CELSR2: variants seen among roughly 807,000 people sequenced by gnomAD.
CELSR2 encodes the protein EGF-like protein 2.
In CELSR2, 81 loss-of-function variants were observed where a neutral mutation model predicts 251.6. The observed-to-expected ratio is 0.32, with a 90% confidence interval of 0.27 to 0.39. The LOEUF (loss-of-function observed/expected upper bound fraction) is 0.39, where lower values mean the gene tolerates loss of function less well. Ranked by LOEUF, CELSR2 falls within the 10% of genes least tolerant of loss-of-function variation. CELSR2 has a pLI of 1.00. For synonymous variants in CELSR2, 1,721 were observed against 1,670.5 expected (o/e 1.03, Z -0.74); for missense variants, 3,365 against 3,947.7 (o/e 0.85, Z 3.96).
chr1:109,267,975 A>G lies in CELSR2; in HGVS notation c.6233A>G (p.Tyr2078Cys). 6.2e-7 allele frequency: 1 copy of G among 1,611,366 alleles called. No individual in the cohort carries two copies. Among genetic ancestry groups the G allele is most frequent in the Non-Finnish European group, 8.5e-7 (1 of 1,179,788 alleles). ...GYFGSDVKVA[Y>C]QLATRLLAHE... ...TTCGGCAGCGACGTCAAGGTGGCCT[A>G]CCAGCTGGCCACGCGGCTGCTGGCC... The change falls in exon 17 of 34, where the codon TAC (tyrosine) becomes TGC (cysteine). Residue 2078 changes from tyrosine to cysteine, a missense_variant. Tyr to Cys is a radical substitution (Grantham distance 194). Around this residue, in one of 5 missense-constraint regions of CELSR2, gnomAD observed 2,093 missense variants for 2,382.8 expected, o/e 0.88. Transcript: ENST00000271332.
In CELSR2 at chr1:109,265,797, C is replaced by G; in HGVS notation, c.5790C>G (p.Gly1930=). The stretch of plus-strand genomic sequence containing the variant: ...TCTTGTGTGACTGCTACCCCACAGG[C>G]TCCTTGTCCAGAGTCTGTGACCCTG... ...TCLLCDCYPT[G]SLSRVCDPED... Residue 1930 remains glycine, a synonymous_variant, in exon 14 of 34, where the codon GGC becomes GGG. Transcript: ENST00000271332. The G allele has an allele frequency of 6.2e-7, 1 of 1,614,110 alleles. No homozygotes were observed. Among genetic ancestry groups the G allele is most frequent in the South Asian group, 1.1e-5 (1 of 91,082 alleles).
intron 28 of CELSR2, 108 bp downstream of exon 28, chr1:109,271,830 C>T: frequency 7.2e-7 from 1 of 1,380,940 alleles, no homozygotes; most frequent in South Asian, 1.3e-5. Flanking sequence ...TCCATCCCTT[C>T]CTGGAAGGTG....
rs534540588 is a variant in CELSR2 at position 109,250,432 on chromosome 1, G to A, written c.353G>A (p.Gly118Asp). Residue 118 changes from glycine to aspartate, a missense_variant, in exon 1 of 34, where the codon GGC becomes GAC. Transcript: ENST00000271332. This position sits in a 1 kb window ranked among gnomAD's most constrained non-coding sequence, Gnocchi z 4.4. ...EGCPWSCRLL[G>D]IGGHLSPQGK... Reference sequence around the variant, plus strand: ...TGCCCCTGGAGCTGTCGCCTCCTGGGCATTGGAGGCCACCTTTCCCCACAG... The same window carrying A: ...TGCCCCTGGAGCTGTCGCCTCCTGGACATTGGAGGCCACCTTTCCCCACAG... 3.1e-6 allele frequency: 5 copies of A among 1,613,656 alleles called. No individual in the cohort carries two copies. In the African/African-American group the frequency reaches 5.3e-5, roughly 17 times the overall value.
At position 109,250,521 on chromosome 1, in the gene CELSR2, T is replaced by G. The variant is rs1273708462; in HGVS notation, c.442T>G (p.Cys148Gly). The change falls in exon 1 of 34, where the codon TGC (cysteine) becomes GGC (glycine). Residue 148 changes from cysteine to glycine, a missense_variant. This residue lies in a region of CELSR2 where 704 missense variants were observed against 784.1 expected (regional missense o/e 0.90). Transcript: ENST00000271332. The surrounding 1 kb of genome is among the most constrained non-coding windows in gnomAD (Gnocchi z 4.4). ...LKAPRLRCQS[C>G]KLAQAPGLRA... The stretch of plus-strand genomic sequence containing the variant: ...GGCTCCACGGCTCAGATGCCAGTCC[T>G]GCAAGCTGGCACAGGCCCCCGGGCT... 1 of 1,613,672 alleles carries G rather than the reference T, an allele frequency of 6.2e-7. No individual in the cohort carries two copies. Among genetic ancestry groups the G allele is most frequent in the East Asian group, 2.2e-5 (1 of 44,868 alleles).
rs541803958 is a variant in CELSR2, at chr1:109,261,815, A to G, written c.4305A>G (p.Ser1435=). ...ACCTGGTCCTTTCCCCAGGGGAGTC[A>G]ACCACCACGGTGTCCCCATTCGTGC... ...QVQLTFSAGE[S]TTTVSPFVPG... Residue 1435 remains serine (S), a synonymous_variant, in exon 5 of 34, where the codon TCA becomes TCG. Transcript: ENST00000271332. This position sits in a 1 kb window ranked among gnomAD's most constrained non-coding sequence, Gnocchi z 4.8. 4.2e-5 allele frequency: 67 copies of G among 1,591,964 alleles called. No individual in the cohort carries two copies. In the South Asian group the frequency reaches 7.2e-4, roughly 17 times the overall value.
chr1:109,264,923 G>T lies in CELSR2; in HGVS notation c.5520G>T (p.Gln1840His), dbSNP rs764676603. Residue 1840 changes from glutamine to histidine, a missense_variant, in exon 12 of 34, where the codon CAG becomes CAT. By Grantham distance (24) the Gln-to-His change is conservative. Transcript: ENST00000271332. ...GTGACCTGAACCCGTGTGAGCACCA[G>T]TCTGTGTGTACCCGCAAGCCCAGTG... is the stretch of plus-strand genomic sequence containing the variant. The part of the protein sequence containing the change: ...NVCDLNPCEH[Q>H]SVCTRKPSAP... The T allele has an allele frequency of 2.0e-5, 33 of 1,614,216 alleles. No individual in the cohort carries two copies. Among genetic ancestry groups the T allele is most frequent in the Non-Finnish European group, 2.8e-5 (33 of 1,180,034 alleles).
At chr1:109,268,558 C>G (rs751239000) in intron 17 of CELSR2, 23 bp from the exon 18 acceptor site, 1 of 1,589,710 alleles carries the variant, frequency 6.3e-7, no homozygotes, top group Non-Finnish European at 8.6e-7. Context: ...TGAGCACACC[C>G]ACCGTGACCT....
intron 33 of CELSR2, 124 bp from the exon 34 acceptor site, chr1:109,273,898 G>T: frequency 1.5e-6 from 2 of 1,341,274 alleles, no homozygotes; most frequent in African/African-American, 1.4e-5. Context: ...GGCAGAGTGC[G>T]GGAGGATGGG....
Position 109,274,244 on chromosome 1 carries a change from C to T in CELSR2, c.*195C>T, listed in dbSNP as rs1015962526. ...CCTAAGGCCATCTAGTGCCAACTCC[C>T]CCCCCACCATTCCCCTCACTGCACT... is the stretch of plus-strand genomic sequence containing the variant. On this transcript the variant is annotated 3_prime_UTR_variant, in exon 34 of 34. Coordinates refer to ENST00000271332, the MANE Select transcript of CELSR2 (RefSeq NM_001408.3). The T allele has an allele frequency of 9.5e-6, 13 of 1,369,072 alleles. No individual in the cohort carries two copies. Among genetic ancestry groups the T allele is most frequent in the African/African-American group, 5.8e-5 (4 of 68,738 alleles). 84.8% of individuals were successfully genotyped at this position (1,369,072 alleles called of 1,614,324 possible). A position where few individuals can be genotyped will look rare whatever the true frequency, so the allele number is the denominator to read the frequency against.
chr1:109,261,688 C>CT lies in CELSR2; in HGVS notation c.4297+61dup. The CT allele has an allele frequency of 6.4e-7, 1 of 1,568,880 alleles. No homozygotes were observed. Among genetic ancestry groups the CT allele is most frequent in the South Asian group, 1.1e-5 (1 of 89,950 alleles). On this transcript the variant is annotated intron_variant, in intron 4 of 33. Transcript: ENST00000271332. This position sits in a 1 kb window ranked among gnomAD's most constrained non-coding sequence, Gnocchi z 4.8. ...CCAAAGGCCCCAAGTCTTCCAGCCC[C>CT]TGACCCCAAGCCACATACTCTATCA...
chr1:109,251,301 G>T lies in CELSR2; in HGVS notation c.1222G>T (p.Val408Leu), dbSNP rs944709395. Residue 408 changes from valine to leucine, a missense_variant, in exon 1 of 34, where the codon GTG becomes TTG. This residue lies in a region of CELSR2 where 704 missense variants were observed against 784.1 expected (regional missense o/e 0.90). Transcript: ENST00000271332. This position sits in a 1 kb window ranked among gnomAD's most constrained non-coding sequence, Gnocchi z 4.9. ...QFSEKRYVVQVREDVTPGAPV... is the reference protein window; with the variant it reads ...QFSEKRYVVQLREDVTPGAPV... ...TAGTGAGAAGCGCTATGTGGTCCAG[G>T]TGAGGGAGGATGTGACTCCAGGGGC... 2 of 1,614,192 alleles carry T rather than the reference G, an allele frequency of 1.2e-6. No individual in the cohort carries two copies. The highest frequency in any genetic ancestry group is 1.7e-5 in the Admixed American group (1 of 60,024).
At position 109,250,946 on chromosome 1, in the gene CELSR2, C is replaced by T. The variant is rs1401218149; in HGVS notation, c.867C>T (p.Phe289=). 4 of 1,613,626 alleles carry T rather than the reference C, an allele frequency of 2.5e-6. No homozygotes were observed. Among genetic ancestry groups the T allele is most frequent in the Middle Eastern group, 1.6e-4 (1 of 6,084 alleles). ...VTDTNDHDPV[F]EQQEYKESLR... Reference sequence around the variant, plus strand: ...ACACCAATGACCATGACCCTGTGTTCGAGCAGCAGGAGTACAAGGAGAGCC... The same window carrying T: ...ACACCAATGACCATGACCCTGTGTTTGAGCAGCAGGAGTACAAGGAGAGCC... Residue 289 remains phenylalanine, a synonymous_variant, in exon 1 of 34, where the codon TTC becomes TTT. Transcript: ENST00000271332. The surrounding 1 kb of genome is among the most constrained non-coding windows in gnomAD (Gnocchi z 4.4).
In CELSR2 at chr1:109,263,311, A is replaced by G. The variant is rs200952183; in HGVS notation, c.4834+44A>G. On this transcript the variant is annotated intron_variant, in intron 8 of 33. Coordinates refer to ENST00000271332, the MANE Select transcript of CELSR2 (RefSeq NM_001408.3). ...AGAGGCCACAGCCTGGGTGCCATCA[A>G]CAGTCTGGGAACTGGCAGGGTTGGG... The G allele has an allele frequency of 3.7e-4, 568 of 1,542,204 alleles. 2 individuals are homozygous for G. In the African/African-American group the frequency reaches 7.1e-3, roughly 19 times the overall value.
In CELSR2 at chr1:109,265,761, C is replaced by T; in HGVS notation, c.5754C>T (p.Ser1918=). Reference sequence around the variant, plus strand: ...AGAACCACTACCGGCCCCCAGGCAGCCCCACCTGCCTCTTGTGTGACTGCT... The same window carrying T: ...AGAACCACTACCGGCCCCCAGGCAGTCCCACCTGCCTCTTGTGTGACTGCT... ...CKENHYRPPG[S]PTCLLCDCYP... Residue 1918 remains serine, a synonymous_variant, in exon 14 of 34, where the codon AGC becomes AGT. Transcript: ENST00000271332. 1 of 1,612,456 alleles carries T rather than the reference C, an allele frequency of 6.2e-7. No individual in the cohort carries two copies. Among genetic ancestry groups the T allele is most frequent in the South Asian group, 1.1e-5 (1 of 91,058 alleles).
chr1:109,265,529 G>T (rs1450403000), intron 13 of CELSR2, among the ~76,000 whole-genome samples: 1 of 152,246 alleles, frequency 6.6e-6, no homozygotes, highest in East Asian at 1.9e-4. Context: ...GCCTGGTGTG[G>T]TGGTGGTTTG....
chr1:109,250,156 CG>C lies in CELSR2; in HGVS notation c.78del (p.Pro27ArgfsTer53). On this transcript the variant is annotated frameshift_variant, in exon 1 of 34. Coordinates refer to ENST00000271332, the MANE Select transcript of CELSR2 (RefSeq NM_001408.3). LOFTEE classifies it high-confidence loss of function. This position sits in a 1 kb window ranked among gnomAD's most constrained non-coding sequence, Gnocchi z 4.4. ...CTGCTGCTGTTGCTGCTGCTGCTGC[CG>C]CCGCCACTATTGGGAGACCAAGTGG... ...PLLLLLLLLL[P>X]PPLLGDQVGP... 1 of 1,597,234 alleles carries C rather than the reference CG, an allele frequency of 6.3e-7. No homozygotes were observed. Among genetic ancestry groups the C allele is most frequent in the Non-Finnish European group, 8.5e-7 (1 of 1,173,688 alleles).
chr1:109,258,444 G>T lies in CELSR2; in HGVS notation c.3323G>T (p.Ser1108Ile), dbSNP rs1301214700. Residue 1108 changes from serine to isoleucine, a missense_variant, in exon 2 of 34, where the codon AGC becomes ATC. Physicochemically the swap from Ser to Ile is moderately radical, Grantham distance 142. Around this residue, in one of 5 missense-constraint regions of CELSR2, gnomAD observed 505 missense variants for 660.0 expected, o/e 0.77. Coordinates refer to ENST00000271332, the MANE Select transcript of CELSR2 (RefSeq NM_001408.3). ...TCCCTCTCCACAGACGGCGTACACA[G>T]CGTGACCGCCCAGTGCGCGCTGCGT... The part of the protein sequence containing the change: ...MSVLVSDGVH[S>I]VTAQCALRVT... 6.9e-6 allele frequency: 11 copies of T among 1,589,700 alleles called. No individual in the cohort carries two copies. In the South Asian group the frequency reaches 1.3e-4, roughly 18 times the overall value.
At chr1:109,256,207 T>C (rs1365792856) in intron 1 of CELSR2, among the ~76,000 whole-genome samples, 1 of 152,080 alleles carries the variant, frequency 6.6e-6, no homozygotes, top group Non-Finnish European at 1.5e-5. Context: ...CCTGATGACA[T>C]AAATCTGGGC....
chr1:109,265,589 C>T (rs1656163105), intron 13 of CELSR2, 146 bp from the exon 14 acceptor site: 4 of 998,876 alleles, frequency 4.0e-6, no homozygotes, highest in Non-Finnish European at 5.8e-6. Flanking sequence ...AACTCCAAAG[C>T]ATTGCTAGTG....
Sources: allele counts gnomAD v4.1 joint callset (sites outside exome capture counted in the v4.1 genomes callset), GRCh38; gene constraint gnomAD v4.1.1; regional missense constraint gnomAD v4.1.1; non-coding constraint Gnocchi (gnomAD v3.1); transcripts MANE v1.5; gene names NCBI Gene and HGNC (gene_info 2026-07-23, HGNC 2026-07-21).